The following ALDH2 variants were observed in gnomAD, a reference collection of about 807,000 sequenced individuals.
ALDH2 encodes the protein aldehyde dehydrogenase 2 family member.
ALDH2 carries 44 observed loss-of-function variants against 59.6 expected under a neutral mutation model. The observed-to-expected ratio is 0.74, with a 90% CI of 0.58 to 0.95. The LOEUF (loss-of-function observed/expected upper bound fraction) is 0.95, where lower values mean the gene tolerates loss of function less well. Ranked by LOEUF, ALDH2 falls within the 40% of genes least tolerant of loss-of-function variation. ALDH2 has a pLI of 0.00. For synonymous variants in ALDH2, 291 were observed against 284.0 expected (o/e 1.02, Z -0.25); for missense variants, 570 against 696.3 (o/e 0.82, Z 2.04).
chr12:111,774,117 G>A (rs372553426), intron 1 of ALDH2, among the ~76,000 whole-genome samples: 4 of 152,328 alleles, frequency 2.6e-5, no homozygotes, highest in African/African-American at 7.2e-5. Context: ...ACAGTCCAAA[G>A]TGGAATTGAA....
At chr12:111,805,307 C>T (rs567864690) in intron 12 of ALDH2, among the ~76,000 whole-genome samples, 2 of 152,138 alleles carry the variant, frequency 1.3e-5, no homozygotes, top group Middle Eastern at 6.8e-3. Flanking sequence ...TCGCTTGAGC[C>T]ACAAGTTTGA....
rs1325431986 is a variant in ALDH2, at chr12:111,809,828, C to A, written c.*253C>A. ...CAGGATGATTTTTAAAAAATAGATT[C>A]AAATGTGTTATCCTCTCTCTGAAAC... On this transcript the variant is annotated 3_prime_UTR_variant, in exon 13 of 13. Transcript: ENST00000261733. 5.4e-6 allele frequency: 3 copies of A among 550,728 alleles called. No homozygotes were observed. In the African/African-American group the frequency reaches 5.7e-5, roughly 10 times the overall value. 34.1% of individuals were successfully genotyped at this position (550,728 alleles called of 1,614,324 possible).
intron 9 of ALDH2, among the ~76,000 whole-genome samples, chr12:111,796,277 G>A (rs1297898843): frequency 6.6e-6 from 1 of 151,898 alleles, no homozygotes; most frequent in Non-Finnish European, 1.5e-5. Flanking sequence ...AGCCAAAATC[G>A]TGCCACCGCA....
chr12:111,804,601 G>A (rs918907244), intron 12 of ALDH2, among the ~76,000 whole-genome samples: 1 of 152,218 alleles, frequency 6.6e-6, no homozygotes, highest in Non-Finnish European at 1.5e-5. Flanking sequence ...ACAAAAATTA[G>A]CCAGGTGTGG....
intron 11 of ALDH2, 33 bp from the exon 12 acceptor site, chr12:111,803,826 G>T: frequency 6.5e-7 from 1 of 1,531,532 alleles, no homozygotes; most frequent in South Asian, 1.2e-5. Flanking sequence ...TAACCCCCAA[G>T]AGTGATTTCT....
At chr12:111,777,231 T>G (rs1368656139) in intron 1 of ALDH2, among the ~76,000 whole-genome samples, 4 of 152,012 alleles carry the variant, frequency 2.6e-5, no homozygotes, top group African/African-American at 9.7e-5. Flanking sequence ...TGCTGTGAAG[T>G]GGAGAGGATG....
Position 111,792,792 on chromosome 12 carries a change from G to A in ALDH2, c.1083+10G>A, listed in dbSNP as rs1426541534. 2 of 1,545,362 alleles carry A rather than the reference G, an allele frequency of 1.3e-6. No individual in the cohort carries two copies. Among genetic ancestry groups the A allele is most frequent in the Non-Finnish European group, 1.7e-6 (2 of 1,146,136 alleles). ...CGAGCAGGGGCCGCAGGTGAGCCAG[G>A]CAGTGCCGCAGGGTCTGGGTGTCTA... On this transcript the variant is annotated intron_variant, in intron 9 of 12. Coordinates refer to ENST00000261733, the MANE Select transcript of ALDH2 (RefSeq NM_000690.4).
rs150107349 is a variant in ALDH2, at chr12:111,790,161, G to A, written c.552+227G>A. On this transcript the variant is annotated intron_variant, in intron 5 of 12. Transcript: ENST00000261733. ...AAGCCTCAGTTTCCCCATCTGAAAA[G>A]TGGAAATGAACATAGTGCCTGTCTT... is the stretch of plus-strand genomic sequence containing the variant. Among the ~76,000 whole-genome samples the A allele has an allele frequency of 3.9e-5, 6 of 152,324 alleles. No individual in the cohort carries two copies. In the East Asian group the frequency reaches 1.2e-3, roughly 29 times the overall value.
intron 4 of ALDH2, among the ~76,000 whole-genome samples, chr12:111,786,332 G>T (rs2068308709): frequency 6.6e-6 from 1 of 151,960 alleles, no homozygotes; most frequent in African/African-American, 2.4e-5. Flanking sequence ...CGCCTCCCGG[G>T]TTCATGCCAT....
chr12:111,784,468 G>A (rs1258453403), intron 3 of ALDH2, among the ~76,000 whole-genome samples: 6 of 152,136 alleles, frequency 3.9e-5, no homozygotes, highest in Non-Finnish European at 7.3e-5. Context: ...GATGCTCTTC[G>A]CCCTGCTGCC....
rs58280059 is a variant in ALDH2 at position 111,790,445 on chromosome 12, G to A, written c.564G>A (p.Pro188=). The change falls in exon 6 of 13, where the codon CCG becomes CCA. Residue 188 remains proline, a synonymous_variant. Coordinates refer to ENST00000261733, the MANE Select transcript of ALDH2 (RefSeq NM_000690.4). ...VCGQIIPWNF[P]LLMQAWKLGP... ...GTTGTTTGTTGCAGTGGAATTTCCC[G>A]CTCCTGATGCAAGCATGGAAGCTGG... 790 of 1,614,090 alleles carry A rather than the reference G, an allele frequency of 4.9e-4. 6 individuals are homozygous for A. The highest frequency in any genetic ancestry group is 1.6e-4 in the Middle Eastern group (1 of 6,062).
chr12:111,802,972 C>G (rs1593087021), intron 11 of ALDH2, among the ~76,000 whole-genome samples: 1 of 151,336 alleles, frequency 6.6e-6, no homozygotes, highest in Non-Finnish European at 1.5e-5. Flanking sequence ...GCAGGCATAT[C>G]ACGAAGTCAA....
intron 3 of ALDH2, 119 bp from the exon 4 acceptor site, chr12:111,785,148 G>A (rs1461690277): frequency 1.8e-5 from 14 of 795,796 alleles, no homozygotes; most frequent in Non-Finnish European, 2.9e-5. Context: ...GCACAAAGCG[G>A]ACTCTCACCC....
intron 1 of ALDH2, among the ~76,000 whole-genome samples, chr12:111,776,655 G>T (rs2238152): frequency 0.18 from 27,086 of 151,878 alleles, 2,498 homozygotes; most frequent in Middle Eastern, 0.27. Flanking sequence ...ACCCAGATCT[G>T]TTTGGCTTTG....
rs1184038599 is a variant in ALDH2, at chr12:111,814,642, C to T, written c.*5067C>T. The T allele has an allele frequency of 1.3e-4, 19 of 150,840 alleles. No homozygotes were observed. Among genetic ancestry groups the T allele is most frequent in the Non-Finnish European group, 2.7e-4 (18 of 67,858 alleles). The allele number at this position is 150,840 out of a possible 1,614,324, so 9.3% of individuals were successfully genotyped here. ...GGTGGATTACCTGAGGCCAGGAGTTCGAGATCAGCCTGGCCAACATGATGA... is the reference window on the plus strand; with the variant it reads ...GGTGGATTACCTGAGGCCAGGAGTTTGAGATCAGCCTGGCCAACATGATGA... On this transcript the variant is annotated 3_prime_UTR_variant, in exon 13 of 13. Coordinates refer to ENST00000261733, the MANE Select transcript of ALDH2 (RefSeq NM_000690.4).
intron 1 of ALDH2, among the ~76,000 whole-genome samples, chr12:111,768,564 G>A (rs960357273): frequency 6.6e-6 from 1 of 152,262 alleles, no homozygotes; most frequent in Non-Finnish European, 1.5e-5. Flanking sequence ...GAGGCCAGGT[G>A]CAGTAGCTCA....
chr12:111,781,057 C>A lies in ALDH2; in HGVS notation c.115-861C>A, dbSNP rs546599236. On this transcript the variant is annotated intron_variant, in intron 1 of 12. Coordinates refer to ENST00000261733, the MANE Select transcript of ALDH2 (RefSeq NM_000690.4). ...TTAAGAGGAAGAGGCTACAGGGAGC[C>A]ATGATCACGCCACTGCACTCCAGCC... Among the ~76,000 whole-genome samples the A allele has an allele frequency of 3.3e-5, 5 of 152,054 alleles. No individual in the cohort carries two copies. In the South Asian group the frequency reaches 1.0e-3, roughly 32 times the overall value.
chr12:111,809,233 C>T (rs1352296190), intron 12 of ALDH2, among the ~76,000 whole-genome samples: 1 of 152,172 alleles, frequency 6.6e-6, no homozygotes, highest in East Asian at 1.9e-4. Flanking sequence ...ACAGGCGGAA[C>T]GCTTGAGCCC....
At chr12:111,768,581 TA>T (rs1456818213) in intron 1 of ALDH2, among the ~76,000 whole-genome samples, 5 of 152,204 alleles carry the variant, frequency 3.3e-5, no homozygotes, top group Non-Finnish European at 4.4e-5. Context: ...CTCATGCCTG[TA>T]AATCCCAGCA....
Sources: allele counts gnomAD v4.1 joint callset (sites outside exome capture counted in the v4.1 genomes callset), GRCh38; gene constraint gnomAD v4.1.1; transcripts MANE v1.5; gene names NCBI Gene and HGNC (gene_info 2026-07-23, HGNC 2026-07-21).